NPTX2: variants seen among roughly 807,000 people sequenced by gnomAD.
The protein encoded by NPTX2 is neuronal pentraxin 2, also known as neuronal pentraxin-2.
In NPTX2, 23 loss-of-function variants were observed where a neutral mutation model predicts 38.1. That is an observed-to-expected ratio of 0.60 (90% CI 0.43 to 0.85). The LOEUF (loss-of-function observed/expected upper bound fraction) is 0.85, where lower values mean the gene tolerates loss of function less well. Among genes scored for constraint, NPTX2 ranks in the 40% least tolerant of loss-of-function variants. The probability of loss-of-function intolerance (pLI) is 0.00; values close to 1 mark genes in which losing one functional copy is unlikely to be tolerated. For missense variants in NPTX2, 553 were observed against 615.3 expected, an observed-to-expected ratio of 0.90 and a Z score of 1.07; for synonymous variants, 291 against 287.3, an observed-to-expected ratio of 1.01 and a Z score of -0.13.
chr7:98,627,082 G>A (rs560373458), intron 3 of NPTX2, 83 bp from the exon 4 acceptor site: 2 of 871,406 alleles, frequency 2.3e-6, no homozygotes, highest in African/African-American at 1.7e-5. Context: ...GGGGGACTGT[G>A]GGGTGTCCTT....
intron 2 of NPTX2, among the ~76,000 whole-genome samples, chr7:98,623,605 A>AGCAAAGT (rs1214384066): frequency 2.0e-5 from 3 of 152,216 alleles, no homozygotes; most frequent in Admixed American, 2.0e-4. Flanking sequence ...GGAGGAAAAG[A>AGCAAAGT]GCAAAGTGCT....
intron 1 of NPTX2, among the ~76,000 whole-genome samples, chr7:98,618,346 C>T (rs1012472587): frequency 6.6e-6 from 1 of 152,096 alleles, no homozygotes. Context: ...TGTGGTGTTT[C>T]TTTCTTTAAA....
At position 98,619,667 on chromosome 7, in the gene NPTX2, A is replaced by G; in HGVS notation, c.451A>G (p.Asn151Asp). 1 of 1,613,282 alleles carries G rather than the reference A, an allele frequency of 6.2e-7. No individual in the cohort carries two copies. The highest frequency in any genetic ancestry group is 1.1e-5 in the South Asian group (1 of 91,060). Residue 151 changes from asparagine to aspartate, a missense_variant, in exon 2 of 5, where the codon AAT (asparagine) becomes GAT (aspartate). Coordinates refer to ENST00000265634, the MANE Select transcript of NPTX2 (RefSeq NM_002523.3). ...GCACCAGCTCAGAGCAAACGTGTCC[A>G]ATGCTGGGCTGCCCGGCGACTTCCG... ...LEHQLRANVSNAGLPGDFREV... is the reference protein window; with the variant it reads ...LEHQLRANVSDAGLPGDFREV...
At chr7:98,628,221 G>A (rs1490734347) in intron 4 of NPTX2, among the ~76,000 whole-genome samples, 181 bp from the exon 5 acceptor site, 2 of 152,164 alleles carry the variant, frequency 1.3e-5, no homozygotes, top group African/African-American at 4.8e-5. Flanking sequence ...AAAATGGGGA[G>A]ATTTGAGCGA....
chr7:98,620,878 C>T (rs1791260158), intron 2 of NPTX2, among the ~76,000 whole-genome samples: 1 of 152,168 alleles, frequency 6.6e-6, no homozygotes, highest in African/African-American at 2.4e-5. Context: ...GGCTGTAAAC[C>T]TCCCTCTGCA....
chr7:98,626,460 C>G (rs1244802497), intron 3 of NPTX2, among the ~76,000 whole-genome samples: 2 of 152,082 alleles, frequency 1.3e-5, no homozygotes, highest in East Asian at 3.9e-4. Flanking sequence ...CTTGCCTGAG[C>G]CAGGGGTTAA....
At position 98,617,849 on chromosome 7, in the gene NPTX2, T is replaced by C; in HGVS notation, c.388T>C (p.Ser130Pro). 1.9e-6 allele frequency: 3 copies of C among 1,556,454 alleles called. No homozygotes were observed. Among genetic ancestry groups the C allele is most frequent in the Non-Finnish European group, 2.6e-6 (3 of 1,159,642 alleles). ...CCACGTCGTGGAGCAGCTCAGCCGC[T>C]CGCTGCAGACCCTCAAGGACCGCCT... ...PGHVVEQLSRSLQTLKDRLES... is the reference protein window; with the variant it reads ...PGHVVEQLSRPLQTLKDRLES... The change falls in exon 1 of 5, where the codon TCG becomes CCG. Residue 130 changes from serine to proline, a missense_variant. Transcript: ENST00000265634.
intron 3 of NPTX2, 102 bp from the exon 4 acceptor site, chr7:98,627,063 T>C (rs976018925): frequency 1.1e-4 from 80 of 720,056 alleles, no homozygotes; most frequent in Non-Finnish European, 1.3e-4. Flanking sequence ...GGAGGAGCAG[T>C]GTGGCCCAGG....
chr7:98,617,671 C>G lies in NPTX2; in HGVS notation c.210C>G (p.Val70=). 6.8e-7 allele frequency: 1 copy of G among 1,475,986 alleles called. No individual in the cohort carries two copies. Among genetic ancestry groups the G allele is most frequent in the Non-Finnish European group, 8.9e-7 (1 of 1,122,616 alleles). 91.4% of individuals were successfully genotyped at this position (1,475,986 alleles called of 1,614,324 possible). ...CGGTGCTGCAGCTGCGCGAGACCGT[C>G]GTGCAGCAGAAGGAGACGCTGGGCG... ...RAAVLQLRET[V]VQQKETLGAQ... Residue 70 remains valine, a synonymous_variant, in exon 1 of 5, where the codon GTC becomes GTG. Transcript: ENST00000265634.
intron 3 of NPTX2, among the ~76,000 whole-genome samples, chr7:98,626,036 C>T (rs1791341706): frequency 3.3e-5 from 5 of 151,204 alleles, no homozygotes; most frequent in Non-Finnish European, 7.4e-5. Context: ...GTTCCAGCTA[C>T]TCGGGAGGCT....
intron 3 of NPTX2, among the ~76,000 whole-genome samples, chr7:98,626,436 C>T (rs2115631199): frequency 6.6e-6 from 1 of 152,176 alleles, no homozygotes; most frequent in Non-Finnish European, 1.5e-5. Flanking sequence ...CTGGGCTCCT[C>T]CTAGATAGAC....
intron 2 of NPTX2, among the ~76,000 whole-genome samples, chr7:98,622,164 C>T (rs929268565): frequency 2.6e-5 from 4 of 152,216 alleles, no homozygotes; most frequent in African/African-American, 4.8e-5. Flanking sequence ...CCCCAGGCTG[C>T]CCACCCCCTG....
At chr7:98,627,141 T>C (rs2115633544) in intron 3 of NPTX2, 24 bp from the exon 4 acceptor site, 1 of 1,589,310 alleles carries the variant, frequency 6.3e-7, no homozygotes, top group East Asian at 2.2e-5. Flanking sequence ...CAGCAGGTCC[T>C]TACCTGCACA....
rs752868622 is a variant in NPTX2 at position 98,624,894 on chromosome 7, C to G, written c.644-28C>G. ...GGGTGGTGGGGTGGCCTAACGCACT[C>G]CTGGCCTCTCTTCCTCCCAACCCCC... On this transcript the variant is annotated intron_variant, in intron 2 of 4. Coordinates refer to ENST00000265634, the MANE Select transcript of NPTX2 (RefSeq NM_002523.3). 8 of 1,597,992 alleles carry G rather than the reference C, an allele frequency of 5.0e-6. No homozygotes were observed. In the African/African-American group the frequency reaches 1.1e-4, roughly 21 times the overall value.
rs1479815258 is a variant in NPTX2, at chr7:98,629,613, A to T, written c.*984A>T. On this transcript the variant is annotated 3_prime_UTR_variant, in exon 5 of 5. Transcript: ENST00000265634. ...AGAACTCCTCAAGAAAACAGAGATC[A>T]TTTGGCTAGAGATTGTCTGAGTGAC... is the stretch of plus-strand genomic sequence containing the variant. 6.6e-6 allele frequency: 1 copy of T among 152,564 alleles called. No individual in the cohort carries two copies. Among genetic ancestry groups the T allele is most frequent in the East Asian group, 1.9e-4 (1 of 5,200 alleles). The allele number at this position is 152,564 out of a possible 1,614,324, so 9.5% of individuals were successfully genotyped here. A position where few individuals can be genotyped will look rare whatever the true frequency, so the allele number is the denominator to read the frequency against.
At chr7:98,627,490 C>G (rs1791372215) in intron 4 of NPTX2, 146 bp downstream of exon 4, 1 of 682,062 alleles carries the variant, frequency 1.5e-6, no homozygotes, top group Non-Finnish European at 2.4e-6. Context: ...CCGGCCCCAG[C>G]TGTTGGCCCC....
At chr7:98,620,568 G>A (rs1273119226) in intron 2 of NPTX2, among the ~76,000 whole-genome samples, 2 of 152,054 alleles carry the variant, frequency 1.3e-5, no homozygotes, top group African/African-American at 4.8e-5. Flanking sequence ...GGTGAGTATG[G>A]CTTACCTGTT....
At chr7:98,627,037 C>A in intron 3 of NPTX2, 128 bp from the exon 4 acceptor site, 1 of 589,264 alleles carries the variant, frequency 1.7e-6, no homozygotes, top group Non-Finnish European at 2.8e-6. Context: ...GTTCTCCACG[C>A]ATGACCCCGG....
chr7:98,626,655 A>C (rs1312739814), intron 3 of NPTX2, among the ~76,000 whole-genome samples: 2 of 152,030 alleles, frequency 1.3e-5, no homozygotes, highest in African/African-American at 2.4e-5. Flanking sequence ...ACCGCCAGGG[A>C]CCCGGCCAGT....
Sources: gnomAD v4.1 joint callset for allele counts (sites outside exome capture counted in the v4.1 genomes callset) on GRCh38, gnomAD v4.1.1 for gene constraint, MANE v1.5 for transcripts, NCBI Gene and HGNC (gene_info 2026-07-23, HGNC 2026-07-21) for gene names.